The following ZNF605 variants were observed in gnomAD, a reference collection of about 807,000 sequenced individuals.
ZNF605 encodes the protein zinc finger protein 605.
Under a neutral mutation model 7.9 loss-of-function variants are expected in ZNF605, and 9 were observed. The ratio of observed to expected loss-of-function variants is 1.14; its 90% confidence interval spans 0.68 to 1.98. The LOEUF (loss-of-function observed/expected upper bound fraction) is 1.98. Among genes scored for constraint, ZNF605 ranks in the 30% most tolerant of loss-of-function variants. The pLI, the probability that ZNF605 is intolerant of heterozygous loss-of-function variation, is 0.00. For synonymous variants in ZNF605, 255 were observed against 260.1 expected, an observed-to-expected ratio of 0.98 and a Z score of 0.19; for missense variants, 673 against 762.4, an observed-to-expected ratio of 0.88 and a Z score of 1.38.
chr12:132,935,233 A>G (rs1229069133), intron 3 of ZNF605, among the ~76,000 whole-genome samples: 1 of 152,166 alleles, frequency 6.6e-6, no homozygotes, highest in Non-Finnish European at 1.5e-5. Flanking sequence ...GGGGACTAAT[A>G]GGTTATTTTC....
Position 132,926,751 on chromosome 12 carries a change from T to A in ZNF605, c.548A>T (p.Gln183Leu). Residue 183 changes from glutamine (Q) to leucine (L), a missense_variant, in exon 5 of 5, where the codon CAA becomes CTA. Coordinates refer to ENST00000360187, the MANE Select transcript of ZNF605 (RefSeq NM_183238.4). ...ATGAGTTCTCTGGTGTATAACAAGT[T>A]GTGACTTCTTGTTAAAAAATCTGCC... is the stretch of plus-strand genomic sequence containing the variant. ...ECGRFFNKKS[Q>L]LVIHQRTHTG... 1.2e-6 allele frequency: 2 copies of A among 1,613,972 alleles called. No homozygotes were observed. The highest frequency in any genetic ancestry group is 1.7e-6 in the Non-Finnish European group (2 of 1,179,822).
At chr12:132,929,034 C>CA (rs1294091134) in intron 4 of ZNF605, among the ~76,000 whole-genome samples, 19 of 14,048 alleles carry the variant, frequency 1.4e-3, no homozygotes, top group African/African-American at 1.8e-3. Flanking sequence ...CAAAACAAAA[C>CA]AAAACAAAAC....
intron 4 of ZNF605, 56 bp from the exon 5 acceptor site, chr12:132,927,218 T>C (rs976696030): frequency 1.6e-6 from 2 of 1,289,766 alleles, no homozygotes; most frequent in Non-Finnish European, 2.1e-6. Flanking sequence ...ATTATGCTTA[T>C]TGCATAAAGC....
chr12:132,949,413 A>G (rs1431866081), intron 1 of ZNF605, among the ~76,000 whole-genome samples: 1 of 152,208 alleles, frequency 6.6e-6, no homozygotes, highest in Admixed American at 6.5e-5. Context: ...CTCAATCAAT[A>G]GAGTGGAGAC....
chr12:132,950,464 GACAC>G (rs138733613), intron 1 of ZNF605, among the ~76,000 whole-genome samples: 230 of 151,192 alleles, frequency 1.5e-3, no homozygotes, highest in Middle Eastern at 0.01. Context: ...CGCACATACA[GACAC>G]ACAGACATGC....
In ZNF605 at chr12:132,927,112, G is replaced by A. The variant is rs1952254972; in HGVS notation, c.187C>T (p.Leu63Phe). 1.9e-6 allele frequency: 3 copies of A among 1,584,926 alleles called. No homozygotes were observed. The Admixed American group carries it at 5.4e-5, about 28-fold the overall frequency. The change falls in exon 5 of 5, where the codon CTT becomes TTT. Residue 63 changes from leucine (L) to phenylalanine (F), a missense_variant. Physicochemically the swap from Leu to Phe is conservative, Grantham distance 22. Transcript: ENST00000360187. ...KMWLRDNQDN[L>F]KSMERGHKYD... Reference sequence around the variant, plus strand: ...TTATGGCCTCTCTCCATACTTTTAAGGTTGTCTTGATTATCTCGGAGCCAC... The same window carrying A: ...TTATGGCCTCTCTCCATACTTTTAAAGTTGTCTTGATTATCTCGGAGCCAC...
chr12:132,943,061 T>C (rs1038947461), intron 3 of ZNF605, among the ~76,000 whole-genome samples: 10 of 152,134 alleles, frequency 6.6e-5, no homozygotes, highest in Non-Finnish European at 1.2e-4. Context: ...GTTCAGCTCC[T>C]GGTTAAATAC....
chr12:132,952,116 A>C (rs1952579370), intron 1 of ZNF605, among the ~76,000 whole-genome samples: 1 of 152,024 alleles, frequency 6.6e-6, no homozygotes, highest in South Asian at 2.1e-4. Context: ...CCTCTAGGGA[A>C]ACAGCCAAGT....
chr12:132,947,765 T>A (rs1242581292), intron 2 of ZNF605, among the ~76,000 whole-genome samples: 1 of 152,060 alleles, frequency 6.6e-6, no homozygotes, highest in Non-Finnish European at 1.5e-5. Context: ...TTAAAACTTT[T>A]TCAAAAGTTT....
At chr12:132,939,859 C>T (rs537785791) in intron 3 of ZNF605, among the ~76,000 whole-genome samples, 3,689 of 150,518 alleles carry the variant, frequency 0.025, 165 homozygotes, top group African/African-American at 0.086. Flanking sequence ...CCAGCGAGAC[C>T]ACGAGCCCAC....
At position 132,945,330 on chromosome 12, in the gene ZNF605, T is replaced by C. The variant is rs1952484897; in HGVS notation, c.15+291A>G. The C allele has an allele frequency of 1.2e-5, 13 of 1,064,378 alleles. No individual in the cohort carries two copies. In the South Asian group the frequency reaches 1.7e-4, roughly 14 times the overall value. The allele number at this position is 1,064,378 out of a possible 1,614,324, so 65.9% of individuals were successfully genotyped here. A position where few individuals can be genotyped will look rare whatever the true frequency, so the allele number is the denominator to read the frequency against. ...GGACATCTTCTTTCCCAAGTTTATA[T>C]TTTCTCTTATTTAAATGTATTTAGA... is the stretch of plus-strand genomic sequence containing the variant. On this transcript the variant is annotated intron_variant, in intron 3 of 4. Transcript: ENST00000360187.
Position 132,941,732 on chromosome 12 carries a change from C to G in ZNF605, c.15+3889G>C, listed in dbSNP as rs1332688224. On this transcript the variant is annotated intron_variant, in intron 3 of 4. Coordinates refer to ENST00000360187, the MANE Select transcript of ZNF605 (RefSeq NM_183238.4). This position sits in a 1 kb window ranked among gnomAD's most constrained non-coding sequence, Gnocchi z 5.1. ...CCCGCAGGGCACTTCCCACGGGTAC[C>G]TCCAGGCTGCCCTCCGTCACGCGTC... Among the ~76,000 whole-genome samples, 2 of 152,184 alleles carry G rather than the reference C, an allele frequency of 1.3e-5. No homozygotes were observed. The highest frequency in any genetic ancestry group is 2.4e-5 in the African/African-American group (1 of 41,440).
intron 4 of ZNF605, among the ~76,000 whole-genome samples, chr12:132,931,152 C>T (rs1952304691): frequency 6.7e-6 from 1 of 148,932 alleles, no homozygotes; most frequent in Non-Finnish European, 1.5e-5. Context: ...TGTACTCCAA[C>T]CTGCGTGACA....
intron 2 of ZNF605, among the ~76,000 whole-genome samples, chr12:132,947,664 T>C (rs924971301): frequency 6.6e-6 from 1 of 152,216 alleles, no homozygotes; most frequent in African/African-American, 2.4e-5. Flanking sequence ...TTTCTACTTT[T>C]GTGAAGAGGT....
chr12:132,926,038 A>C lies in ZNF605; in HGVS notation c.1261T>G (p.Tyr421Asp). Residue 421 changes from tyrosine (Y) to aspartate (D), a missense_variant, in exon 5 of 5, where the codon TAT becomes GAT. Transcript: ENST00000360187. ...HQKIHLGEKPYGCIQCGKTFF... is the reference protein window; with the variant it reads ...HQKIHLGEKPDGCIQCGKTFF... ...GTTTTCCCACATTGAATGCATCCAT[A>C]TGGTTTCTCTCCTAAGTGAATTTTT... 6.2e-7 allele frequency: 1 copy of C among 1,614,174 alleles called. No individual in the cohort carries two copies. The highest frequency in any genetic ancestry group is 1.1e-5 in the South Asian group (1 of 91,086).
intron 1 of ZNF605, among the ~76,000 whole-genome samples, chr12:132,951,067 A>G (rs1195862288): frequency 2.0e-5 from 3 of 151,726 alleles, no homozygotes; most frequent in Non-Finnish European, 4.4e-5. Context: ...ATACACAGAC[A>G]TGTACACACA....
intron 4 of ZNF605, among the ~76,000 whole-genome samples, chr12:132,929,333 G>A (rs1303910714): frequency 6.6e-6 from 1 of 152,122 alleles, no homozygotes; most frequent in Non-Finnish European, 1.5e-5. Flanking sequence ...TGTGTGAGAT[G>A]AGAGTGAGCC....
At chr12:132,952,264 A>G (rs1466234747) in intron 1 of ZNF605, among the ~76,000 whole-genome samples, 1 of 151,970 alleles carries the variant, frequency 6.6e-6, no homozygotes, top group Non-Finnish European at 1.5e-5. Flanking sequence ...GTTCGAGACC[A>G]GCCTGGCCAA....
intron 3 of ZNF605, among the ~76,000 whole-genome samples, chr12:132,937,086 C>T (rs1053569652): frequency 5.9e-5 from 9 of 152,250 alleles, no homozygotes; most frequent in South Asian, 4.1e-4. Context: ...TGGCTGGGCG[C>T]GGTGGCTCAC....
Sources: allele counts gnomAD v4.1 joint callset (sites outside exome capture counted in the v4.1 genomes callset), GRCh38; gene constraint gnomAD v4.1.1; non-coding constraint Gnocchi (gnomAD v3.1); transcripts MANE v1.5; gene names NCBI Gene and HGNC (gene_info 2026-07-23, HGNC 2026-07-21).